Variants in RNGTT observed in about 807,000 individuals in gnomAD.
The protein encoded by RNGTT is RNA guanylyltransferase and 5'-phosphatase, also known as mRNA-capping enzyme.
Under a neutral mutation model 79.3 loss-of-function variants are expected in RNGTT, and 33 were observed. The observed-to-expected ratio is 0.42, with a 90% CI of 0.32 to 0.56. The LOEUF is 0.56. Ranked by LOEUF, RNGTT falls within the 20% of genes least tolerant of loss-of-function variation. RNGTT has a pLI of 0.17. For synonymous variants in RNGTT, 222 were observed against 235.9 expected (o/e 0.94, Z 0.54); for missense variants, 497 against 739.1 (o/e 0.67, Z 3.80).
chr6:88,641,059 G>A (rs1045549532), intron 14 of RNGTT, among the ~76,000 whole-genome samples: 8 of 152,018 alleles, frequency 5.3e-5, no homozygotes, highest in South Asian at 2.1e-4. Flanking sequence ...TAAGACGACC[G>A]GCCGGGTGCG....
chr6:88,733,367 A>AC (rs970955056), intron 13 of RNGTT, among the ~76,000 whole-genome samples: 20 of 115,808 alleles, frequency 1.7e-4, no homozygotes, highest in Non-Finnish European at 2.7e-4. Context: ...TTCACCCCCC[A>AC]CCCCCCCTCC....
At chr6:88,828,792 T>C (rs754028077) in intron 11 of RNGTT, among the ~76,000 whole-genome samples, 6 of 151,496 alleles carry the variant, frequency 4.0e-5, no homozygotes, top group East Asian at 2.0e-4. Flanking sequence ...ATATCAGAGA[T>C]TGAAGATCAA....
chr6:88,909,378 G>A (rs900961823), intron 4 of RNGTT, among the ~76,000 whole-genome samples: 33 of 152,160 alleles, frequency 2.2e-4, no homozygotes, highest in African/African-American at 5.8e-4. Context: ...ACACACATAC[G>A]GTGCCACTTC....
intron 1 of RNGTT, 24 bp downstream of exon 1, chr6:88,963,322 C>T: frequency 1.2e-6 from 2 of 1,611,710 alleles, no homozygotes; most frequent in Non-Finnish European, 1.7e-6. Context: ...TGTGGGGATT[C>T]GAACGCCCCC....
chr6:88,834,501 C>G (rs1780995193), intron 11 of RNGTT, among the ~76,000 whole-genome samples: 1 of 152,154 alleles, frequency 6.6e-6, no homozygotes, highest in South Asian at 2.1e-4. Flanking sequence ...GCTTTCAAAT[C>G]AAAATGCAGT....
chr6:88,880,212 ATGAAAG>A (rs1782654418), intron 8 of RNGTT, among the ~76,000 whole-genome samples: 1 of 152,116 alleles, frequency 6.6e-6, no homozygotes, highest in African/African-American at 2.4e-5. Context: ...GAATGAATGA[ATGAAAG>A]GAAGAAGGGA....
chr6:88,764,582 C>T (rs943727039), intron 13 of RNGTT, among the ~76,000 whole-genome samples: 7 of 152,144 alleles, frequency 4.6e-5, no homozygotes, highest in East Asian at 3.8e-4. Flanking sequence ...TGTAATGATG[C>T]TTCAATAAAA....
At chr6:88,932,606 A>G (rs1024453214) in intron 2 of RNGTT, among the ~76,000 whole-genome samples, 6 of 152,100 alleles carry the variant, frequency 3.9e-5, no homozygotes, top group Non-Finnish European at 4.4e-5. Context: ...TTTATTTCTC[A>G]GACCGGCCGA....
chr6:88,933,657 G>GA (rs1444686006), intron 2 of RNGTT, among the ~76,000 whole-genome samples: 1 of 152,150 alleles, frequency 6.6e-6, no homozygotes, highest in Non-Finnish European at 1.5e-5. Flanking sequence ...CCACAGGAGT[G>GA]AAACTGTGGA....
At chr6:88,962,169 G>C (rs1785651445) in intron 1 of RNGTT, among the ~76,000 whole-genome samples, 1 of 152,128 alleles carries the variant, frequency 6.6e-6, no homozygotes, top group Admixed American at 6.5e-5. Flanking sequence ...AGGCGAAGGA[G>C]GGATTTAAAA....
At chr6:88,864,753 T>C (rs1365141159) in intron 8 of RNGTT, among the ~76,000 whole-genome samples, 1 of 152,098 alleles carries the variant, frequency 6.6e-6, no homozygotes, top group Non-Finnish European at 1.5e-5. Flanking sequence ...TGGAAAGATA[T>C]TCAGCCTTTA....
Position 88,842,038 on chromosome 6 carries a change from A to G in RNGTT, c.1269+2319T>C, listed in dbSNP as rs191883292. ...AACATATCTATGAATTAGAACCATC[A>G]ATCGGTTTGCTAAGAAAGTTAACCA... On this transcript the variant is annotated intron_variant, in intron 11 of 15. Transcript: ENST00000369485. 2.6e-5 allele frequency among the ~76,000 whole-genome samples: 4 copies of G among 152,310 alleles called. No homozygotes were observed. In the East Asian group the frequency reaches 7.7e-4, roughly 29 times the overall value.
At chr6:88,960,044 C>T (rs2127967879) in intron 1 of RNGTT, among the ~76,000 whole-genome samples, 1 of 152,278 alleles carries the variant, frequency 6.6e-6, no homozygotes, top group Admixed American at 6.5e-5. Flanking sequence ...CTCCTTCTTC[C>T]TTCCCATCTC....
At chr6:88,933,454 A>G (rs62429036) in intron 2 of RNGTT, among the ~76,000 whole-genome samples, 1,989 of 151,770 alleles carry the variant, frequency 0.013, 16 homozygotes, top group Non-Finnish European at 0.019. Context: ...TCTATCGTCT[A>G]TCATTCTACT....
At position 88,809,556 on chromosome 6, in the gene RNGTT, T is replaced by C. The variant is rs1780068160; in HGVS notation, c.1270-7924A>G. Among the ~76,000 whole-genome samples, 4 of 152,190 alleles carry C rather than the reference T, an allele frequency of 2.6e-5. No homozygotes were observed. The South Asian group carries it at 6.2e-4, about 24-fold the overall frequency. On this transcript the variant is annotated intron_variant, in intron 11 of 15. Transcript: ENST00000369485. ...TGATCATAATGAATTAAATTAGATG[T>C]CAATATTTGGAAAGTCATCCAATAT... is the stretch of plus-strand genomic sequence containing the variant.
intron 11 of RNGTT, among the ~76,000 whole-genome samples, chr6:88,806,651 T>G (rs1779964918): frequency 6.6e-6 from 1 of 152,070 alleles, no homozygotes; most frequent in Non-Finnish European, 1.5e-5. Context: ...AGTGGGAGTG[T>G]AAATTAGTTC....
chr6:88,907,274 G>A (rs886214787), intron 4 of RNGTT, among the ~76,000 whole-genome samples: 1 of 152,188 alleles, frequency 6.6e-6, no homozygotes, highest in Admixed American at 6.5e-5. Flanking sequence ...GAGATCTGGT[G>A]GGAGGTGACT....
chr6:88,681,323 G>T (rs1775084932), intron 13 of RNGTT, among the ~76,000 whole-genome samples: 1 of 152,012 alleles, frequency 6.6e-6, no homozygotes, highest in Non-Finnish European at 1.5e-5. Flanking sequence ...CCCTAAATAA[G>T]AAATTTCTTA....
chr6:88,922,558 C>T (rs1005556785), intron 4 of RNGTT, among the ~76,000 whole-genome samples: 15 of 151,764 alleles, frequency 9.9e-5, no homozygotes, highest in African/African-American at 3.6e-4. Context: ...GATGGAGTCT[C>T]GCTCTGTCAC....
Sources: allele counts gnomAD v4.1 joint callset (sites outside exome capture counted in the v4.1 genomes callset), GRCh38; gene constraint gnomAD v4.1.1; transcripts MANE v1.5; gene names NCBI Gene and HGNC (gene_info 2026-07-23, HGNC 2026-07-21).